The following GLRA2 variants were observed in gnomAD, a reference collection of about 807,000 sequenced individuals.
GLRA2 encodes the protein glycine receptor subunit alpha-2.
In GLRA2, 11 loss-of-function variants were observed where a neutral mutation model predicts 31.6. The ratio of observed to expected loss-of-function variants is 0.35; its 90% CI spans 0.22 to 0.58. The LOEUF (loss-of-function observed/expected upper bound fraction) is 0.58, where lower values mean the gene tolerates loss of function less well. Ranked by LOEUF, GLRA2 falls within the 20% of genes least tolerant of loss-of-function variation. GLRA2 has a pLI of 0.84. For missense variants in GLRA2, 212 were observed against 351.8 expected (o/e 0.60, Z 3.18); for synonymous variants, 132 against 134.0 (o/e 0.99, Z 0.10).
intron 7 of GLRA2, among the ~76,000 whole-genome samples, chrX:14,646,129 A>G (rs1329646827): frequency 8.9e-6 from 1 of 112,293 alleles, no homozygotes; most frequent in Non-Finnish European, 1.9e-5. Context: ...ATGTTATTTA[A>G]TGCTTAACAC....
chrX:14,560,933 T>G (rs1452062105), intron 2 of GLRA2, among the ~76,000 whole-genome samples: 3 of 111,089 alleles, frequency 2.7e-5, no homozygotes, highest in African/African-American at 9.8e-5. Context: ...ATAGTCATTA[T>G]GAATAATAGA....
chrX:14,503,596 G>A, the GLRA2 span, among the ~76,000 whole-genome samples: 5 of 111,431 alleles, frequency 4.5e-5, no homozygotes, highest in South Asian at 3.8e-4. Flanking sequence ...AGCATGTGTC[G>A]CTAACCTTTT....
chrX:14,601,021 G>A (rs1298690547), intron 4 of GLRA2, among the ~76,000 whole-genome samples: 17 of 104,417 alleles, frequency 1.6e-4, no homozygotes, highest in African/African-American at 5.5e-4. Flanking sequence ...TTGTTTGTTT[G>A]TTTACTTTTT....
At chrX:14,470,385 A>G in the GLRA2 span, among the ~76,000 whole-genome samples, 1 of 111,686 alleles carries the variant, frequency 9.0e-6, no homozygotes, top group Non-Finnish European at 1.9e-5. Flanking sequence ...ATTTATTTGT[A>G]TATTTATTCC....
intron 7 of GLRA2, among the ~76,000 whole-genome samples, chrX:14,684,692 T>C (rs1362908583): frequency 1.8e-5 from 2 of 112,026 alleles, no homozygotes; most frequent in Non-Finnish European, 3.8e-5. Context: ...CTGAAGTTGC[T>C]TATCAGCTTA....
At chrX:14,649,777 C>T (rs1000059937) in intron 7 of GLRA2, among the ~76,000 whole-genome samples, 6 of 111,990 alleles carry the variant, frequency 5.4e-5, no homozygotes, top group African/African-American at 1.3e-4. Flanking sequence ...TTCCCTACCT[C>T]TCATCAGGAT....
chrX:14,456,475 T>G, the GLRA2 span, among the ~76,000 whole-genome samples: 1 of 111,818 alleles, frequency 8.9e-6, no homozygotes, highest in Admixed American at 9.5e-5. Context: ...TCTAGCTGTT[T>G]TGTATGTATC....
chrX:14,507,244 A>G, the GLRA2 span, among the ~76,000 whole-genome samples: 1 of 112,176 alleles, frequency 8.9e-6, no homozygotes, highest in South Asian at 3.7e-4. Flanking sequence ...TTCTTAAAAG[A>G]TGGTAATGAA....
chrX:14,540,452 C>T (rs1222545091), intron 2 of GLRA2, among the ~76,000 whole-genome samples: 5 of 111,208 alleles, frequency 4.5e-5, no homozygotes, highest in African/African-American at 3.3e-5. Context: ...CTGTGGAAGC[C>T]TTTCATTAGC....
intron 2 of GLRA2, among the ~76,000 whole-genome samples, chrX:14,540,989 G>A (rs909714323): frequency 5.5e-5 from 6 of 109,678 alleles, no homozygotes; most frequent in Admixed American, 1.9e-4. Context: ...AGAGAGACGC[G>A]GAGGGAGAAA....
the GLRA2 span, among the ~76,000 whole-genome samples, chrX:14,505,842 A>G: frequency 1.8e-5 from 2 of 111,571 alleles, no homozygotes; most frequent in African/African-American, 6.5e-5. Context: ...TGTACACCCA[A>G]TTCTGCCCCC....
chrX:14,459,826 A>G, the GLRA2 span, among the ~76,000 whole-genome samples: 1 of 111,922 alleles, frequency 8.9e-6, no homozygotes, highest in Non-Finnish European at 1.9e-5. Flanking sequence ...AACAGAGACA[A>G]TTTGACTTTC....
chrX:14,680,420 G>A (rs1416246700), intron 7 of GLRA2, among the ~76,000 whole-genome samples: 2 of 112,069 alleles, frequency 1.8e-5, no homozygotes, highest in African/African-American at 6.5e-5. Flanking sequence ...ACAGCACTTT[G>A]AGAACTTCAT....
At chrX:14,463,268 C>A in the GLRA2 span, among the ~76,000 whole-genome samples, 1 of 111,387 alleles carries the variant, frequency 9.0e-6, no homozygotes, top group African/African-American at 3.3e-5. Flanking sequence ...CTGTCGGCAC[C>A]TACTGGGGGG....
intron 7 of GLRA2, among the ~76,000 whole-genome samples, chrX:14,674,893 A>G (rs920687571): frequency 9.0e-6 from 1 of 110,580 alleles, no homozygotes; most frequent in Non-Finnish European, 1.9e-5. Context: ...AGATCACCCA[A>G]TTGGGTCTTT....
intron 2 of GLRA2, among the ~76,000 whole-genome samples, chrX:14,556,068 A>G (rs762822656): frequency 2.7e-5 from 3 of 112,173 alleles, no homozygotes; most frequent in South Asian, 7.5e-4. Context: ...AGGGAGAATC[A>G]TGCAAAATTT....
At chrX:14,495,097 A>G in the GLRA2 span, among the ~76,000 whole-genome samples, 1 of 111,700 alleles carries the variant, frequency 9.0e-6, no homozygotes, top group African/African-American at 3.3e-5. Context: ...CCTTGCTGGT[A>G]GATCAGATTG....
chrX:14,558,886 A>G (rs748140973), intron 2 of GLRA2, among the ~76,000 whole-genome samples: 2 of 107,953 alleles, frequency 1.9e-5, no homozygotes, highest in South Asian at 4.1e-4. Context: ...GTGCAGTGGC[A>G]TGATCTCAGC....
At chrX:14,587,257 C>A (rs918953770) in intron 4 of GLRA2, among the ~76,000 whole-genome samples, 2 of 112,363 alleles carry the variant, frequency 1.8e-5, no homozygotes, top group African/African-American at 6.5e-5. Context: ...GATGAACATA[C>A]AATTTCATGT....
Sources: allele counts gnomAD v4.1 joint callset (sites outside exome capture counted in the v4.1 genomes callset), GRCh38; gene constraint gnomAD v4.1.1; transcripts MANE v1.5; gene names NCBI Gene and HGNC (gene_info 2026-07-23, HGNC 2026-07-21).